EPB41L5: variants seen among roughly 807,000 people sequenced by gnomAD.
EPB41L5 encodes erythrocyte membrane protein band 4.1 like 5, also known as band 4.1-like protein 5.
A neutral mutation model predicts 106.6 loss-of-function variants in EPB41L5; 55 were observed. That is an observed-to-expected ratio of 0.52 (90% CI 0.42 to 0.65). The LOEUF (loss-of-function observed/expected upper bound fraction) is 0.65, where lower values mean the gene tolerates loss of function less well. Among genes scored for constraint, EPB41L5 ranks in the 30% least tolerant of loss-of-function variants. EPB41L5 has a pLI of 0.00. For missense variants in EPB41L5, 871 were observed against 882.1 expected (o/e 0.99, Z 0.16); for synonymous variants, 297 against 306.7 (o/e 0.97, Z 0.33).
intron 16 of EPB41L5, among the ~76,000 whole-genome samples, chr2:120,124,879 A>G (rs1045439671): frequency 3.3e-5 from 5 of 152,024 alleles, no homozygotes; most frequent in African/African-American, 9.7e-5. Context: ...TCGTGATGAG[A>G]TTGAGGTTAA....
At chr2:120,093,065 G>C (rs750166491) in intron 13 of EPB41L5, among the ~76,000 whole-genome samples, 184 bp from the exon 14 acceptor site, 16 of 152,086 alleles carry the variant, frequency 1.1e-4, no homozygotes, top group Non-Finnish European at 1.9e-4. Flanking sequence ...AGACCAGCCT[G>C]GGCAACAGTA....
At chr2:120,056,402 G>A (rs147571013) in intron 3 of EPB41L5, among the ~76,000 whole-genome samples, 6 of 151,822 alleles carry the variant, frequency 4.0e-5, no homozygotes, top group East Asian at 1.9e-4. Context: ...TGGTTCAAGC[G>A]ATTCTCCTGC....
chr2:120,028,640 G>A (rs1017224973), intron 2 of EPB41L5, among the ~76,000 whole-genome samples: 4 of 152,118 alleles, frequency 2.6e-5, no homozygotes, highest in African/African-American at 7.2e-5. Context: ...AGATGATGAG[G>A]CTGCAGACTT....
At chr2:120,146,363 A>G (rs1268980509) in intron 20 of EPB41L5, 74 bp downstream of exon 20, 2 of 1,108,260 alleles carry the variant, frequency 1.8e-6, no homozygotes, top group East Asian at 2.5e-5. Flanking sequence ...TCAGTCTGTC[A>G]CCACATGGTT....
intron 10 of EPB41L5, among the ~76,000 whole-genome samples, chr2:120,084,220 C>T (rs921890534): frequency 6.6e-6 from 1 of 152,148 alleles, no homozygotes; most frequent in Non-Finnish European, 1.5e-5. Context: ...TTCCTAGCAT[C>T]GATGGTCTTT....
chr2:120,134,271 A>G lies in EPB41L5; in HGVS notation c.1599+2556A>G, dbSNP rs145316630. Among the ~76,000 whole-genome samples, 43 of 152,170 alleles carry G rather than the reference A, an allele frequency of 2.8e-4. No homozygotes were observed. In the East Asian group the frequency reaches 5.4e-3, roughly 19 times the overall value. ...ACTTGGGTAACAGCTCAGTCACAGTAAAATAAAGTACTGAGTAGATTCCTA... is the reference window on the plus strand; with the variant it reads ...ACTTGGGTAACAGCTCAGTCACAGTGAAATAAAGTACTGAGTAGATTCCTA... On this transcript the variant is annotated intron_variant, in intron 18 of 24. Transcript: ENST00000263713.
In EPB41L5 at chr2:120,087,668, T is replaced by C. The variant is rs77457850; in HGVS notation, c.873+428T>C. ...ACGCCTGGCTGATTTTTTCATTTAT[T>C]TGTAGAGATGGGATCTCAGTATGTT... On this transcript the variant is annotated intron_variant, in intron 11 of 24. Coordinates refer to ENST00000263713, the MANE Select transcript of EPB41L5 (RefSeq NM_020909.4). 2.0e-3 allele frequency among the ~76,000 whole-genome samples: 303 copies of C among 152,236 alleles called. 5 individuals are homozygous for C. The East Asian group carries it at 0.046, about 23-fold the overall frequency.
chr2:120,114,849 A>T (rs1684877983), intron 16 of EPB41L5, among the ~76,000 whole-genome samples: 1 of 152,188 alleles, frequency 6.6e-6, no homozygotes, highest in African/African-American at 2.4e-5. Flanking sequence ...TGATCAGAAG[A>T]TAAACTTATC....
chr2:120,082,731 G>T (rs186781319), intron 10 of EPB41L5, among the ~76,000 whole-genome samples: 195 of 152,172 alleles, frequency 1.3e-3, no homozygotes, highest in Non-Finnish European at 2.4e-3. Context: ...AATCCATCTG[G>T]TCCTGGACTT....
At chr2:120,068,803 T>G (rs1681642373) in intron 3 of EPB41L5, among the ~76,000 whole-genome samples, 1 of 146,328 alleles carries the variant, frequency 6.8e-6, no homozygotes. Context: ...GAGGGAGGAA[T>G]ATTTACCAAG....
At chr2:120,159,380 G>C (rs1291463593) in intron 20 of EPB41L5, among the ~76,000 whole-genome samples, 5 of 144,008 alleles carry the variant, frequency 3.5e-5, no homozygotes, top group Admixed American at 7.1e-5. Flanking sequence ...CCGAGATCGC[G>C]CCACTGCACC....
intron 16 of EPB41L5, among the ~76,000 whole-genome samples, chr2:120,109,836 C>G (rs575780579): frequency 6.6e-6 from 1 of 152,298 alleles, no homozygotes; most frequent in South Asian, 2.1e-4. Context: ...CTCTTAATCT[C>G]TTGAACCCAT....
intron 11 of EPB41L5, 80 bp downstream of exon 11, chr2:120,087,320 G>A: frequency 7.3e-6 from 6 of 820,302 alleles, no homozygotes; most frequent in Middle Eastern, 2.5e-4. Context: ...AAGAGGGAAT[G>A]TACCTCATTG....
intron 11 of EPB41L5, among the ~76,000 whole-genome samples, chr2:120,087,638 C>T (rs1223097904): frequency 1.3e-5 from 2 of 152,130 alleles, no homozygotes; most frequent in African/African-American, 4.8e-5. Context: ...GCACATGCCA[C>T]CACCACGCCT....
In EPB41L5 at chr2:120,176,600, A is replaced by T. The variant is rs13422980; in HGVS notation, c.*1693A>T. ...TCCCCTTAGCCATTATGCTAAAAAC[A>T]GCTTCTGAGTTTCACTGGTGGGGCT... On this transcript the variant is annotated 3_prime_UTR_variant, in exon 25 of 25. Coordinates refer to ENST00000263713, the MANE Select transcript of EPB41L5 (RefSeq NM_020909.4). The T allele has an allele frequency of 9.8e-4, 149 of 152,370 alleles. No individual in the cohort carries two copies. Among genetic ancestry groups the T allele is most frequent in the African/African-American group, 3.5e-3 (146 of 41,588 alleles). The allele number at this position is 152,370 out of a possible 1,614,324, so 9.4% of individuals were successfully genotyped here. A position where few individuals can be genotyped will look rare whatever the true frequency, so the allele number is the denominator to read the frequency against.
At chr2:120,050,688 C>T (rs1680183579) in intron 3 of EPB41L5, among the ~76,000 whole-genome samples, 1 of 152,208 alleles carries the variant, frequency 6.6e-6, no homozygotes, top group African/African-American at 2.4e-5. Flanking sequence ...CAGCTTTGTT[C>T]CGTTTGTGGC....
chr2:120,115,632 C>T lies in EPB41L5; in HGVS notation c.1338-12056C>T, dbSNP rs1446626000. ...GTCTCGAACTCCTGACCTTGTGATCCGCCTGCCTCGGCCTCCCAAAGTGCT... is the reference window on the plus strand; with the variant it reads ...GTCTCGAACTCCTGACCTTGTGATCTGCCTGCCTCGGCCTCCCAAAGTGCT... On this transcript the variant is annotated intron_variant, in intron 16 of 24. Coordinates refer to ENST00000263713, the MANE Select transcript of EPB41L5 (RefSeq NM_020909.4). Among the ~76,000 whole-genome samples, 5 of 151,988 alleles carry T rather than the reference C, an allele frequency of 3.3e-5. No individual in the cohort carries two copies. The South Asian group carries it at 6.2e-4, about 19-fold the overall frequency.
intron 1 of EPB41L5, among the ~76,000 whole-genome samples, chr2:120,016,173 T>TA (rs1350830932): frequency 3.9e-5 from 6 of 152,182 alleles, no homozygotes; most frequent in African/African-American, 1.4e-4. Flanking sequence ...CTTACGCCTG[T>TA]AATCCTAGCA....
At chr2:120,129,845 A>G (rs149228097) in intron 17 of EPB41L5, among the ~76,000 whole-genome samples, 51 of 152,312 alleles carry the variant, frequency 3.3e-4, no homozygotes, top group African/African-American at 1.2e-3. Flanking sequence ...TTTATGCTGT[A>G]TAATAGAAAT....
Sources: allele counts gnomAD v4.1 joint callset (sites outside exome capture counted in the v4.1 genomes callset), GRCh38; gene constraint gnomAD v4.1.1; transcripts MANE v1.5; gene names NCBI Gene and HGNC (gene_info 2026-07-23, HGNC 2026-07-21).